The following LAMA2 variants were observed in gnomAD, a reference collection of about 807,000 sequenced individuals.
LAMA2 encodes the protein laminin subunit alpha 2.
In LAMA2, 269 loss-of-function variants were observed where a neutral mutation model predicts 364.8. The ratio of observed to expected loss-of-function variants is 0.74; its 90% CI spans 0.67 to 0.82. The LOEUF (loss-of-function observed/expected upper bound fraction) is 0.82, where lower values mean the gene tolerates loss of function less well. Among genes scored for constraint, LAMA2 ranks in the 40% least tolerant of loss-of-function variants. The pLI, the probability that LAMA2 is intolerant of heterozygous loss-of-function variation, is 0.00. For missense variants in LAMA2, 3,807 were observed against 3,873.2 expected (o/e 0.98, Z 0.45); for synonymous variants, 1,379 against 1,370.6 (o/e 1.01, Z -0.14).
intron 57 of LAMA2, 83 bp downstream of exon 57, chr6:129,492,160 A>C (rs1241818068): frequency 1.4e-6 from 2 of 1,412,794 alleles, no homozygotes; most frequent in Admixed American, 3.4e-5. Flanking sequence ...TACATTGTCT[A>C]CAGCTATGCA....
chr6:129,245,302 C>T (rs1349546174), intron 12 of LAMA2, among the ~76,000 whole-genome samples: 2 of 152,014 alleles, frequency 1.3e-5, no homozygotes, highest in East Asian at 3.9e-4. Context: ...ATAAGAATTG[C>T]CTCAAAGTGA....
Position 129,328,284 on chromosome 6 carries a change from T to G in LAMA2, c.4183T>G (p.Leu1395Val). 6.2e-7 allele frequency: 1 copy of G among 1,614,160 alleles called. No individual in the cohort carries two copies. Among genetic ancestry groups the G allele is most frequent in the Non-Finnish European group, 8.5e-7 (1 of 1,180,006 alleles). Residue 1395 changes from leucine (L) to valine (V), a missense_variant, in exon 29 of 65, where the codon TTG becomes GTG. Leu to Val is a conservative substitution (Grantham distance 32, BLOSUM62 1). Coordinates refer to ENST00000421865, the MANE Select transcript of LAMA2 (RefSeq NM_000426.4). ...TGGCTTCCTTTTCTTTCAGGCATGC[T>G]TGCCGGGATTTTATCGACTGCGTTC... ...GYSGLSCEAC[L>V]PGFYRLRSQP...
At chr6:129,472,755 T>C (rs1257250488) in intron 51 of LAMA2, among the ~76,000 whole-genome samples, 1 of 151,988 alleles carries the variant, frequency 6.6e-6, no homozygotes, top group Non-Finnish European at 1.5e-5. Context: ...AGTGACACTT[T>C]GCAGATGAGT....
In LAMA2 at chr6:129,250,343, A is replaced by T. The variant is rs2169870; in HGVS notation, c.1884+130A>T. ...ACTAAAAAAAAATATACCTTAGGAG[A>T]TTTTTGTGCCACTCTTTTGTTTCAC... On this transcript the variant is annotated intron_variant, in intron 13 of 64. Transcript: ENST00000421865. 124,203 of 679,544 alleles carry T rather than the reference A, an allele frequency of 0.18. 16,360 individuals are homozygous for T. The highest frequency in any genetic ancestry group is 0.56 in the African/African-American group (31,238 of 55,966). 42.1% of individuals were successfully genotyped at this position (679,544 alleles called of 1,614,324 possible).
intron 1 of LAMA2, among the ~76,000 whole-genome samples, chr6:128,934,872 A>T (rs2114525240): frequency 6.6e-6 from 1 of 152,278 alleles, no homozygotes; most frequent in African/African-American, 2.4e-5. Context: ...GACTCTGTAG[A>T]TCATTTTGGG....
At chr6:129,284,796 A>G (rs939234281) in intron 18 of LAMA2, among the ~76,000 whole-genome samples, 12 of 151,958 alleles carry the variant, frequency 7.9e-5, no homozygotes, top group Non-Finnish European at 1.5e-4. Flanking sequence ...CATTGTTCCT[A>G]AATTATCAAT....
intron 19 of LAMA2, among the ~76,000 whole-genome samples, chr6:129,288,616 A>G (rs1174636854): frequency 6.6e-6 from 1 of 152,202 alleles, no homozygotes; most frequent in Non-Finnish European, 1.5e-5. Context: ...TTTAAGGACT[A>G]TTTCTAGAAT....
intron 12 of LAMA2, among the ~76,000 whole-genome samples, chr6:129,227,110 C>T (rs1784349797): frequency 6.6e-6 from 1 of 152,142 alleles, no homozygotes; most frequent in Non-Finnish European, 1.5e-5. Context: ...CCCTTTCTTC[C>T]AGTTGATCGA....
chr6:129,039,794 C>CATAT lies in LAMA2; in HGVS notation c.113-10124_113-10123insATAT, dbSNP rs1786958827. Among the ~76,000 whole-genome samples, 3 of 152,302 alleles carry CATAT rather than the reference C, an allele frequency of 2.0e-5. No homozygotes were observed. The South Asian group carries it at 6.2e-4, about 32-fold the overall frequency. On this transcript the variant is annotated intron_variant, in intron 1 of 64. Coordinates refer to ENST00000421865, the MANE Select transcript of LAMA2 (RefSeq NM_000426.4). Reference sequence around the variant, plus strand: ...ACAGTTCACAATATGGTTCACGTTCCTGTGAGAGTCTAATGCTGTTGCTTA... The same window carrying CATAT: ...ACAGTTCACAATATGGTTCACGTTCCATATTGTGAGAGTCTAATGCTGTTGCTTA...
intron 35 of LAMA2, among the ~76,000 whole-genome samples, chr6:129,386,645 C>A (rs1779034709): frequency 6.6e-6 from 1 of 152,172 alleles, no homozygotes; most frequent in South Asian, 2.1e-4. Context: ...AACTATAAAA[C>A]TTTAAAACAC....
chr6:129,395,125 G>T (rs1396592583), intron 37 of LAMA2, among the ~76,000 whole-genome samples: 1 of 151,570 alleles, frequency 6.6e-6, no homozygotes, highest in East Asian at 2.0e-4. Context: ...TGTGTAGGCT[G>T]CTCTGGGGTT....
chr6:129,229,151 A>G (rs1429294853), intron 12 of LAMA2, among the ~76,000 whole-genome samples: 2 of 152,220 alleles, frequency 1.3e-5, no homozygotes, highest in Non-Finnish European at 2.9e-5. Flanking sequence ...AGAAGAGAGA[A>G]TATTAATTAG....
Position 129,315,760 on chromosome 6 carries a change from A to T in LAMA2, c.3736-2A>T, listed in dbSNP as rs372715292. On this transcript the variant is annotated splice_acceptor_variant, in intron 25 of 64. Coordinates refer to ENST00000421865, the MANE Select transcript of LAMA2 (RefSeq NM_000426.4). LOFTEE classifies it high-confidence loss of function. Reference sequence around the variant, plus strand: ...TCCTCATTCTTCTTTTTATTTTGTCAGTTGATGGCCTATGGGGGCAAACTC... The same window carrying T: ...TCCTCATTCTTCTTTTTATTTTGTCTGTTGATGGCCTATGGGGGCAAACTC... The T allele has an allele frequency of 7.4e-6, 12 of 1,613,926 alleles. No homozygotes were observed. The highest frequency in any genetic ancestry group is 2.5e-6 in the Non-Finnish European group (3 of 1,179,930).
chr6:128,890,817 T>C (rs555674276), intron 1 of LAMA2, among the ~76,000 whole-genome samples: 3 of 152,202 alleles, frequency 2.0e-5, no homozygotes, highest in South Asian at 2.1e-4. Context: ...ATAGTCAATG[T>C]GTAAATGTCA....
chr6:128,907,034 T>G (rs1157033474), intron 1 of LAMA2, among the ~76,000 whole-genome samples: 1 of 150,030 alleles, frequency 6.7e-6, no homozygotes, highest in African/African-American at 2.4e-5. Context: ...TTTTGGTTAC[T>G]GTAGACTTGT....
intron 32 of LAMA2, among the ~76,000 whole-genome samples, chr6:129,356,293 C>T (rs1444183579): frequency 2.0e-5 from 3 of 152,114 alleles, no homozygotes; most frequent in Admixed American, 2.0e-4. Context: ...CATGCAGAGT[C>T]AGTTCCTGAG....
At chr6:128,889,299 T>C (rs1331738389) in intron 1 of LAMA2, among the ~76,000 whole-genome samples, 2 of 152,214 alleles carry the variant, frequency 1.3e-5, no homozygotes, top group Admixed American at 6.5e-5. Context: ...GACACAATTG[T>C]TGAAAATGAC....
intron 1 of LAMA2, among the ~76,000 whole-genome samples, chr6:128,990,936 C>T (rs1783571480): frequency 6.6e-6 from 1 of 152,074 alleles, no homozygotes; most frequent in Admixed American, 6.5e-5. Flanking sequence ...CTCTACAGAG[C>T]TAAGAATACA....
intron 3 of LAMA2, among the ~76,000 whole-genome samples, chr6:129,074,871 A>T (rs1773531729): frequency 6.6e-6 from 1 of 152,230 alleles, no homozygotes; most frequent in Admixed American, 6.5e-5. Context: ...ATTCTTAGTA[A>T]GAAGCTTCAT....
Sources: allele counts gnomAD v4.1 joint callset (sites outside exome capture counted in the v4.1 genomes callset), GRCh38; gene constraint gnomAD v4.1.1; transcripts MANE v1.5; gene names NCBI Gene and HGNC (gene_info 2026-07-23, HGNC 2026-07-21).